The following CNTN5 variants were observed in gnomAD, a reference collection of about 807,000 sequenced individuals.
The protein encoded by CNTN5 is contactin-5.
In CNTN5, 77 loss-of-function variants were observed where a neutral mutation model predicts 129.1. The ratio of observed to expected loss-of-function variants is 0.60; its 90% CI spans 0.50 to 0.72. The LOEUF (loss-of-function observed/expected upper bound fraction) is 0.72. CNTN5 is among the 30% of genes least tolerant of loss of function. The probability of loss-of-function intolerance (pLI) is 0.00; values close to 1 mark genes in which losing one functional copy is unlikely to be tolerated. For missense variants in CNTN5, 1,478 were observed against 1,328.8 expected, an observed-to-expected ratio of 1.11 and a Z score of -1.75; for synonymous variants, 509 against 465.6, an observed-to-expected ratio of 1.09 and a Z score of -1.20.
intron 2 of CNTN5, among the ~76,000 whole-genome samples, chr11:99,543,271 C>G (rs1948174157): frequency 6.6e-6 from 1 of 152,152 alleles, no homozygotes; most frequent in Non-Finnish European, 1.5e-5. Context: ...ACAAGAATAG[C>G]TAAATATAGT....
intron 2 of CNTN5, among the ~76,000 whole-genome samples, chr11:99,549,675 A>T (rs1329223477): frequency 6.6e-6 from 1 of 152,104 alleles, no homozygotes; most frequent in African/African-American, 2.4e-5. Context: ...CAGAAAGGAA[A>T]TCTACTGCCA....
At chr11:99,034,063 G>C (rs1262817764) in intron 1 of CNTN5, among the ~76,000 whole-genome samples, 2 of 152,084 alleles carry the variant, frequency 1.3e-5, no homozygotes, top group African/African-American at 4.8e-5. Context: ...TTATATGCTG[G>C]ATTATATTTA....
chr11:99,384,964 A>C (rs1329505051), intron 2 of CNTN5, among the ~76,000 whole-genome samples: 1 of 152,190 alleles, frequency 6.6e-6, no homozygotes. Context: ...AATACTATTA[A>C]ATGGCAATGT....
intron 16 of CNTN5, among the ~76,000 whole-genome samples, chr11:100,236,434 A>G (rs1390447722): frequency 6.6e-6 from 1 of 152,088 alleles, no homozygotes; most frequent in East Asian, 1.9e-4. Flanking sequence ...TCAAATTTTG[A>G]CTTGCAGAGA....
At chr11:99,076,152 G>C (rs1297680147) in intron 1 of CNTN5, among the ~76,000 whole-genome samples, 1 of 151,928 alleles carries the variant, frequency 6.6e-6, no homozygotes, top group African/African-American at 2.4e-5. Flanking sequence ...TGACCAGCAT[G>C]GTGAAACCCT....
intron 21 of CNTN5, among the ~76,000 whole-genome samples, chr11:100,319,347 T>C (rs1177218264): frequency 6.6e-6 from 1 of 151,906 alleles, no homozygotes; most frequent in Non-Finnish European, 1.5e-5. Context: ...GGGATCGGGT[T>C]TCACCATGTT....
intron 13 of CNTN5, among the ~76,000 whole-genome samples, chr11:100,167,041 A>G (rs1414513033): frequency 6.6e-6 from 1 of 151,768 alleles, no homozygotes; most frequent in African/African-American, 2.4e-5. Context: ...TATCCTATGC[A>G]TGATTCATGG....
At chr11:99,335,850 C>G (rs561715146) in intron 2 of CNTN5, among the ~76,000 whole-genome samples, 1 of 152,036 alleles carries the variant, frequency 6.6e-6, no homozygotes, top group African/African-American at 2.4e-5. Flanking sequence ...CTCGGACCCT[C>G]GAGATGAGAC....
intron 6 of CNTN5, among the ~76,000 whole-genome samples, chr11:99,891,624 T>C (rs988939803): frequency 6.6e-6 from 1 of 152,122 alleles, no homozygotes; most frequent in Non-Finnish European, 1.5e-5. Flanking sequence ...AATGATGGTT[T>C]CCAGCTTCAT....
chr11:99,696,107 T>C (rs1954258873), intron 3 of CNTN5, among the ~76,000 whole-genome samples: 1 of 152,102 alleles, frequency 6.6e-6, no homozygotes, highest in Non-Finnish European at 1.5e-5. Context: ...AAGGGATGTA[T>C]AAGGGTCTAT....
At chr11:99,320,043 C>T (rs956168038) in intron 1 of CNTN5, among the ~76,000 whole-genome samples, 1 of 152,104 alleles carries the variant, frequency 6.6e-6, no homozygotes, top group African/African-American at 2.4e-5. Flanking sequence ...AGTTCGAGAC[C>T]AGCCTGGCCA....
chr11:99,836,224 A>G (rs1321592213), intron 4 of CNTN5, among the ~76,000 whole-genome samples: 2 of 150,068 alleles, frequency 1.3e-5, no homozygotes, highest in African/African-American at 4.9e-5. Context: ...TACATGTGCC[A>G]TGTTGGTGTG....
intron 13 of CNTN5, among the ~76,000 whole-genome samples, chr11:100,163,975 TCACC>T (rs910333944): frequency 1.3e-5 from 2 of 151,844 alleles, no homozygotes; most frequent in African/African-American, 4.8e-5. Flanking sequence ...GTTGCATAAC[TCACC>T]CAAGGTCAAA....
intron 13 of CNTN5, among the ~76,000 whole-genome samples, chr11:100,107,023 A>G (rs1031604082): frequency 1.3e-5 from 2 of 152,202 alleles, no homozygotes; most frequent in Non-Finnish European, 2.9e-5. Flanking sequence ...ATACCTATTT[A>G]TGCCTAAATC....
chr11:99,328,573 T>C (rs1038022387), intron 2 of CNTN5, among the ~76,000 whole-genome samples: 1 of 152,026 alleles, frequency 6.6e-6, no homozygotes, highest in African/African-American at 2.4e-5. Context: ...ATATGAAGTA[T>C]AAAAATGCCT....
intron 2 of CNTN5, among the ~76,000 whole-genome samples, chr11:99,421,613 C>T (rs1191952090): frequency 2.0e-5 from 3 of 152,064 alleles, no homozygotes; most frequent in Admixed American, 1.3e-4. Flanking sequence ...AAACAATTTG[C>T]CATTTTATGA....
At chr11:99,608,652 AT>A (rs1375654929) in intron 3 of CNTN5, among the ~76,000 whole-genome samples, 1 of 152,164 alleles carries the variant, frequency 6.6e-6, no homozygotes, top group African/African-American at 2.4e-5. Flanking sequence ...CCCAGATCAG[AT>A]TTTATCCTCA....
chr11:99,823,585 T>A (rs1252826729), intron 4 of CNTN5, among the ~76,000 whole-genome samples: 1 of 152,160 alleles, frequency 6.6e-6, no homozygotes, highest in Non-Finnish European at 1.5e-5. Context: ...GTGCTCATAG[T>A]TTATATTAAA....
chr11:99,699,333 T>A (rs1396836886), intron 3 of CNTN5, among the ~76,000 whole-genome samples: 2 of 151,512 alleles, frequency 1.3e-5, no homozygotes, highest in Admixed American at 1.3e-4. Flanking sequence ...TCTAAAAAAC[T>A]TTTTAAAAAA....
Sources: allele counts gnomAD v4.1 joint callset (sites outside exome capture counted in the v4.1 genomes callset), GRCh38; gene constraint gnomAD v4.1.1; transcripts MANE v1.5; gene names NCBI Gene and HGNC (gene_info 2026-07-23, HGNC 2026-07-21).